Variants in DEDD2 observed in about 807,000 individuals in gnomAD.
DEDD2 encodes death effector domain containing 2.
A neutral mutation model predicts 28.9 loss-of-function variants in DEDD2; 18 were observed. That is an observed-to-expected ratio of 0.62 (90% CI 0.43 to 0.92). The LOEUF (loss-of-function observed/expected upper bound fraction) is 0.92, where lower values mean the gene tolerates loss of function less well. Ranked by LOEUF, DEDD2 falls within the 40% of genes least tolerant of loss-of-function variation. The pLI is 0.00. For missense variants in DEDD2, 411 were observed against 463.3 expected (o/e 0.89, Z 1.04); for synonymous variants, 211 against 206.1 (o/e 1.02, Z -0.20).
Position 42,199,556 on chromosome 19 carries a change from A to G in DEDD2, c.863T>C (p.Val288Ala). The change falls in exon 5 of 5, where the codon GTG (valine) becomes GCG (alanine). Residue 288 changes from valine to alanine, a missense_variant. Around this residue, in one of 2 missense-constraint regions of DEDD2, gnomAD observed 129 missense variants for 189.9 expected, o/e 0.68. Transcript: ENST00000596251. The surrounding 1 kb of genome is among the most constrained non-coding windows in gnomAD (Gnocchi z 7.4). The stretch of plus-strand genomic sequence containing the variant: ...CAGCAGGCGAACAGCCTCCCGGCCC[A>G]CAGCCTCTCGCAGGGCCTCAGTCAG... ...VFLTEALREA[V>A]GREAVRLLVS... The G allele has an allele frequency of 1.2e-6, 2 of 1,614,008 alleles. No homozygotes were observed. Among genetic ancestry groups the G allele is most frequent in the Non-Finnish European group, 1.7e-6 (2 of 1,179,946 alleles).
At chr19:42,203,616 T>C (rs886544153) in intron 4 of DEDD2, among the ~76,000 whole-genome samples, 4 of 152,132 alleles carry the variant, frequency 2.6e-5, no homozygotes, top group Non-Finnish European at 5.9e-5. Context: ...CTCGGTGGCC[T>C]CCTGTGTAAA....
chr19:42,211,443 G>A (rs2035759414), intron 3 of DEDD2, among the ~76,000 whole-genome samples: 1 of 147,444 alleles, frequency 6.8e-6, no homozygotes, highest in Non-Finnish European at 1.5e-5. Context: ...GAGGGAGGGA[G>A]GGAGGGAAGG....
Position 42,199,633 on chromosome 19 carries a change from G to C in DEDD2, c.786C>G (p.Phe262Leu). 6.2e-7 allele frequency: 1 copy of C among 1,614,144 alleles called. No homozygotes were observed. Among genetic ancestry groups the C allele is most frequent in the Non-Finnish European group, 8.5e-7 (1 of 1,179,996 alleles). The change falls in exon 5 of 5, where the codon TTC becomes TTG. Residue 262 changes from phenylalanine (F) to leucine (L), a missense_variant. Transcript: ENST00000596251. This position sits in a 1 kb window ranked among gnomAD's most constrained non-coding sequence, Gnocchi z 7.4. ...KFSELSYLDA[F>L]WGDYLSGALL... is the part of the protein sequence containing the mutation. ...GGGCGCCACTCAGGTAGTCGCCCCAGAAGGCGTCCAGATAGGAGAGCTCTG... is the reference window on the plus strand; with the variant it reads ...GGGCGCCACTCAGGTAGTCGCCCCACAAGGCGTCCAGATAGGAGAGCTCTG...
chr19:42,208,832 G>A (rs1032497417), intron 4 of DEDD2, among the ~76,000 whole-genome samples: 1 of 152,214 alleles, frequency 6.6e-6, no homozygotes, highest in Non-Finnish European at 1.5e-5. Context: ...ACAAACCCTC[G>A]TACAGCGTGT....
At chr19:42,201,912 G>A (rs1159482041) in intron 4 of DEDD2, 1 of 398,190 alleles carries the variant, frequency 2.5e-6, no homozygotes, top group African/African-American at 2.1e-5. Flanking sequence ...AGGGGGCTGG[G>A]AGGAGCAGCA....
chr19:42,208,324 T>C (rs1290169667), intron 4 of DEDD2, among the ~76,000 whole-genome samples: 1 of 151,860 alleles, frequency 6.6e-6, no homozygotes, highest in African/African-American at 2.4e-5. Context: ...CCTTCCTTAT[T>C]TCCTAGGTCA....
intron 4 of DEDD2, among the ~76,000 whole-genome samples, chr19:42,203,394 G>A (rs1404700365): frequency 6.6e-6 from 1 of 152,194 alleles, no homozygotes. Context: ...AAAAAAGAAT[G>A]GCATTCTCAG....
chr19:42,215,366 T>TACCC lies in DEDD2; in HGVS notation c.329-118_329-115dup, dbSNP rs1263316601. On this transcript the variant is annotated intron_variant, in intron 2 of 4. Transcript: ENST00000596251. ...AGTTCCCCAGTAGTCAGAGCCCAAATACCCACTCATTCTCAAACACCTCCT... is the reference window on the plus strand; with the variant it reads ...AGTTCCCCAGTAGTCAGAGCCCAAATACCCACCCACTCATTCTCAAACACCTCCT... 50 of 1,311,528 alleles carry TACCC rather than the reference T, an allele frequency of 3.8e-5. No individual in the cohort carries two copies. The East Asian group carries it at 1.1e-3, about 29-fold the overall frequency. The allele number at this position is 1,311,528 out of a possible 1,614,324, so 81.2% of individuals were successfully genotyped here.
At position 42,215,193 on chromosome 19, in the gene DEDD2, A is replaced by C. The variant is rs1174738814; in HGVS notation, c.388T>G (p.Cys130Gly). The C allele has an allele frequency of 6.2e-7, 1 of 1,613,866 alleles. No individual in the cohort carries two copies. The highest frequency in any genetic ancestry group is 1.3e-5 in the African/African-American group (1 of 74,910). ...CTGCTTGACTGCCGACGGCGACGGC[A>C]GCTACCCTCTGTCCTCTTTGAAGAG... ...SSSSKRTEGS[C>G]RRRRQSSSSA... is the part of the protein sequence containing the mutation. The change falls in exon 3 of 5, where the codon TGC becomes GGC. Residue 130 changes from cysteine to glycine, a missense_variant. Cys to Gly is a radical substitution (Grantham distance 159). Coordinates refer to ENST00000596251, the MANE Select transcript of DEDD2 (RefSeq NM_133328.4).
In DEDD2 at chr19:42,199,891, G is replaced by A. The variant is rs181230436; in HGVS notation, c.590-62C>T. The A allele has an allele frequency of 1.9e-5, 29 of 1,497,908 alleles. No homozygotes were observed. The East Asian group carries it at 4.7e-4, about 24-fold the overall frequency. The allele number at this position is 1,497,908 out of a possible 1,614,324, so 92.8% of individuals were successfully genotyped here. A position where few individuals can be genotyped will look rare whatever the true frequency, so the allele number is the denominator to read the frequency against. Reference sequence around the variant, plus strand: ...AACACTAGACACACTTATGGGGAACGCCACCCTTCCTCCCTCCAGCCTTCT... The same window carrying A: ...AACACTAGACACACTTATGGGGAACACCACCCTTCCTCCCTCCAGCCTTCT... On this transcript the variant is annotated intron_variant, in intron 4 of 4. Transcript: ENST00000596251. The surrounding 1 kb of genome is among the most constrained non-coding windows in gnomAD (Gnocchi z 7.4).
chr19:42,213,147 C>G (rs2035832746), intron 3 of DEDD2, among the ~76,000 whole-genome samples: 1 of 152,144 alleles, frequency 6.6e-6, no homozygotes, highest in Non-Finnish European at 1.5e-5. Context: ...GAAGAAGACA[C>G]AAGAGGCTAG....
At position 42,199,115 on chromosome 19, in the gene DEDD2, CAG is replaced by C. The variant is rs957552174; in HGVS notation, c.*321_*322del. ...TGTGACAGTGCAGACAGCCCAAGAT[CAG>C]AGATACAATGTGCAGGGGGGCCTTT... is the stretch of plus-strand genomic sequence containing the variant. On this transcript the variant is annotated 3_prime_UTR_variant, in exon 5 of 5. Coordinates refer to ENST00000596251, the MANE Select transcript of DEDD2 (RefSeq NM_133328.4). This position sits in a 1 kb window ranked among gnomAD's most constrained non-coding sequence, Gnocchi z 7.4. 2 of 365,284 alleles carry C rather than the reference CAG, an allele frequency of 5.5e-6. No homozygotes were observed. Among genetic ancestry groups the C allele is most frequent in the African/African-American group, 4.1e-5 (2 of 48,484 alleles). 22.6% of individuals were successfully genotyped at this position (365,284 alleles called of 1,614,324 possible).
At chr19:42,208,433 G>A (rs145320171) in intron 4 of DEDD2, among the ~76,000 whole-genome samples, 5 of 152,204 alleles carry the variant, frequency 3.3e-5, no homozygotes, top group African/African-American at 9.6e-5. Flanking sequence ...TTTAATCTAC[G>A]TAACACATGC....
At chr19:42,209,634 T>C in intron 4 of DEDD2, 66 bp downstream of exon 4, 3 of 1,512,678 alleles carry the variant, frequency 2.0e-6, no homozygotes, top group Non-Finnish European at 2.7e-6. Flanking sequence ...AAAATGCTCA[T>C]TTCTCCCACC....
chr19:42,217,686 T>G (rs543847791), upstream of DEDD2: 7 of 152,756 alleles, frequency 4.6e-5, no homozygotes, highest in East Asian at 7.7e-4. Context: ...TTGTTTTGGA[T>G]CTTTCTGGCA....
At chr19:42,208,041 A>G (rs916904468) in intron 4 of DEDD2, among the ~76,000 whole-genome samples, 6 of 152,056 alleles carry the variant, frequency 3.9e-5, no homozygotes, top group African/African-American at 7.2e-5. Context: ...TGCACTCACA[A>G]TACCCGTGCC....
chr19:42,207,479 C>T (rs1391129597), intron 4 of DEDD2, among the ~76,000 whole-genome samples: 1 of 152,170 alleles, frequency 6.6e-6, no homozygotes, highest in African/African-American at 2.4e-5. Context: ...AACCCTTCCA[C>T]TCCCCCCAGG....
chr19:42,206,365 C>A (rs2035534624), intron 4 of DEDD2, among the ~76,000 whole-genome samples: 2 of 152,174 alleles, frequency 1.3e-5, no homozygotes, highest in Non-Finnish European at 2.9e-5. Flanking sequence ...CTTCCCCTGA[C>A]ATCTGAAATC....
At chr19:42,218,600 A>G (rs943185531), upstream of DEDD2, among the ~76,000 whole-genome samples, 1 of 152,132 alleles carries the variant, frequency 6.6e-6, no homozygotes, top group African/African-American at 2.4e-5. Context: ...ACTCAAGGTC[A>G]GGACCTGCAT....
Sources: allele counts gnomAD v4.1 joint callset (sites outside exome capture counted in the v4.1 genomes callset), GRCh38; gene constraint gnomAD v4.1.1; regional missense constraint gnomAD v4.1.1; non-coding constraint Gnocchi (gnomAD v3.1); transcripts MANE v1.5; gene names NCBI Gene and HGNC (gene_info 2026-07-23, HGNC 2026-07-21).